MLLT3: variants seen among roughly 807,000 people sequenced by gnomAD.
MLLT3 encodes the protein protein AF-9.
A neutral mutation model predicts 53.2 loss-of-function variants in MLLT3; 4 were observed. The observed-to-expected ratio is 0.08, with a 90% CI of 0.04 to 0.17. The LOEUF (loss-of-function observed/expected upper bound fraction) is 0.17, where lower values mean the gene tolerates loss of function less well. Ranked by LOEUF, MLLT3 falls within the 10% of genes least tolerant of loss-of-function variation. The pLI, the probability that MLLT3 is intolerant of heterozygous loss-of-function variation, is 1.00. For synonymous variants in MLLT3, 283 were observed against 230.6 expected (o/e 1.23, Z -2.06); for missense variants, 569 against 684.0 (o/e 0.83, Z 1.87).
intron 2 of MLLT3, among the ~76,000 whole-genome samples, chr9:20,531,557 A>G (rs1206883706): frequency 1.3e-5 from 2 of 152,198 alleles, no homozygotes; most frequent in Non-Finnish European, 2.9e-5. Context: ...CTAGTTCTGC[A>G]GCATCCTCAA....
intron 2 of MLLT3, among the ~76,000 whole-genome samples, chr9:20,517,281 A>G (rs1249413870): frequency 6.6e-6 from 1 of 152,196 alleles, no homozygotes; most frequent in African/African-American, 2.4e-5. Flanking sequence ...ACCAACATCA[A>G]AAAAGAACAA....
At chr9:20,435,988 C>A (rs544901329) in intron 4 of MLLT3, among the ~76,000 whole-genome samples, 1 of 152,048 alleles carries the variant, frequency 6.6e-6, no homozygotes, top group Admixed American at 6.6e-5. Context: ...AAGTCAGCCA[C>A]GGTAAACTAA....
chr9:20,385,584 C>T (rs1822013605), intron 5 of MLLT3, among the ~76,000 whole-genome samples: 1 of 151,982 alleles, frequency 6.6e-6, no homozygotes, highest in Non-Finnish European at 1.5e-5. Context: ...ATAAGAAATA[C>T]TTTTCCAAGT....
intron 5 of MLLT3, among the ~76,000 whole-genome samples, chr9:20,382,925 C>G (rs1348719586): frequency 1.3e-5 from 2 of 151,816 alleles, no homozygotes; most frequent in Admixed American, 1.3e-4. Context: ...CCTGCCCATC[C>G]TATCAGTAAT....
chr9:20,482,832 C>T (rs1370084783), intron 2 of MLLT3, among the ~76,000 whole-genome samples: 1 of 152,180 alleles, frequency 6.6e-6, no homozygotes, highest in African/African-American at 2.4e-5. Flanking sequence ...ACCCACACCT[C>T]TGTCCTTGCC....
intron 2 of MLLT3, among the ~76,000 whole-genome samples, chr9:20,582,495 G>A (rs543076860): frequency 6.6e-6 from 1 of 152,218 alleles, no homozygotes; most frequent in South Asian, 2.1e-4. Flanking sequence ...CATATAATAT[G>A]TAGGCTTTTC....
chr9:20,605,642 A>G (rs1235668781), intron 2 of MLLT3, among the ~76,000 whole-genome samples: 1 of 152,056 alleles, frequency 6.6e-6, no homozygotes, highest in Admixed American at 6.6e-5. Flanking sequence ...ATTTTAATCC[A>G]GTATTTAACA....
At chr9:20,612,752 A>G (rs546053972) in intron 2 of MLLT3, among the ~76,000 whole-genome samples, 2 of 152,284 alleles carry the variant, frequency 1.3e-5, no homozygotes, top group African/African-American at 4.8e-5. Context: ...ACAAAAAGAT[A>G]CCAAATTTCA....
intron 2 of MLLT3, among the ~76,000 whole-genome samples, chr9:20,490,174 C>T (rs185168520): frequency 1.4e-4 from 22 of 152,310 alleles, no homozygotes; most frequent in African/African-American, 5.1e-4. Context: ...CCCAAAGATT[C>T]CTGTCCTCTG....
intron 4 of MLLT3, among the ~76,000 whole-genome samples, chr9:20,440,888 T>C (rs1823530851): frequency 6.6e-6 from 1 of 152,110 alleles, no homozygotes; most frequent in African/African-American, 2.4e-5. Flanking sequence ...AGTGACAACT[T>C]TAAGATATCA....
intron 2 of MLLT3, among the ~76,000 whole-genome samples, chr9:20,592,651 C>T (rs1303784230): frequency 6.6e-6 from 1 of 152,144 alleles, no homozygotes; most frequent in East Asian, 1.9e-4. Context: ...TGGCACATAA[C>T]ATTATAACTG....
intron 2 of MLLT3, among the ~76,000 whole-genome samples, chr9:20,475,853 G>C (rs940380269): frequency 1.3e-5 from 2 of 152,066 alleles, no homozygotes; most frequent in Non-Finnish European, 2.9e-5. Context: ...TAGGTTGAAG[G>C]GAGAATATCA....
intron 2 of MLLT3, among the ~76,000 whole-genome samples, chr9:20,494,601 G>A (rs559428390): frequency 2.0e-4 from 29 of 147,840 alleles, no homozygotes; most frequent in African/African-American, 5.5e-4. Flanking sequence ...TTAACAGCAC[G>A]TGATGGCATT....
intron 2 of MLLT3, among the ~76,000 whole-genome samples, chr9:20,592,812 G>T (rs746253412): frequency 1.3e-5 from 2 of 152,126 alleles, no homozygotes; most frequent in African/African-American, 4.8e-5. Flanking sequence ...ATTACCAGGA[G>T]GTCTATTCCA....
chr9:20,535,357 G>A (rs1050614526), intron 2 of MLLT3, among the ~76,000 whole-genome samples: 6 of 152,062 alleles, frequency 3.9e-5, no homozygotes, highest in Admixed American at 3.9e-4. Context: ...ACCAGTCCCT[G>A]GTGCCAAAAA....
chr9:20,472,378 A>G (rs982323897), intron 2 of MLLT3, among the ~76,000 whole-genome samples: 2 of 152,078 alleles, frequency 1.3e-5, no homozygotes, highest in Non-Finnish European at 2.9e-5. Flanking sequence ...TTCCTTTCCC[A>G]AACATCGCAC....
At chr9:20,484,495 A>G (rs1361804370) in intron 2 of MLLT3, among the ~76,000 whole-genome samples, 12 of 152,176 alleles carry the variant, frequency 7.9e-5, no homozygotes, top group Admixed American at 7.9e-4. Context: ...AAATATTTAT[A>G]TACTTTTGGC....
intron 4 of MLLT3, among the ~76,000 whole-genome samples, chr9:20,427,440 A>C (rs1823164921): frequency 6.6e-6 from 1 of 152,040 alleles, no homozygotes; most frequent in Non-Finnish European, 1.5e-5. Flanking sequence ...ACACAAGAAA[A>C]TGGGAAATAT....
At chr9:20,574,304 A>G (rs1418390422) in intron 2 of MLLT3, among the ~76,000 whole-genome samples, 1 of 152,228 alleles carries the variant, frequency 6.6e-6, no homozygotes, top group African/African-American at 2.4e-5. Context: ...ACCTAATTCC[A>G]CTGTCTGAAT....
Sources: gnomAD v4.1 joint callset for allele counts (sites outside exome capture counted in the v4.1 genomes callset) on GRCh38, gnomAD v4.1.1 for gene constraint, MANE v1.5 for transcripts, NCBI Gene and HGNC (gene_info 2026-07-23, HGNC 2026-07-21) for gene names.